The following NPAS3 variants were observed in gnomAD, a reference collection of about 807,000 sequenced individuals.
The protein encoded by NPAS3 is neuronal PAS domain protein 3, also known as neuronal PAS domain-containing protein 3.
NPAS3 carries 14 observed loss-of-function variants against 73.1 expected under a neutral mutation model. The observed-to-expected ratio is 0.19, with a 90% CI of 0.13 to 0.30. NPAS3 has a LOEUF of 0.30. Among genes scored for constraint, NPAS3 ranks in the 10% least tolerant of loss-of-function variants. The pLI is 1.00. For missense variants in NPAS3, 1,096 were observed against 1,250.0 expected, an observed-to-expected ratio of 0.88 and a Z score of 1.86; for synonymous variants, 620 against 541.5, an observed-to-expected ratio of 1.14 and a Z score of -2.01.
At chr14:33,717,400 A>G (rs1367820404) in intron 6 of NPAS3, among the ~76,000 whole-genome samples, 1 of 152,076 alleles carries the variant, frequency 6.6e-6, no homozygotes, top group East Asian at 1.9e-4. Flanking sequence ...TTCTCCCTGA[A>G]ATCCTAACTG....
chr14:33,067,256 AG>A (rs2041313206), intron 2 of NPAS3, among the ~76,000 whole-genome samples: 1 of 152,204 alleles, frequency 6.6e-6, no homozygotes, highest in Non-Finnish European at 1.5e-5. Flanking sequence ...CTGCAAAAGA[AG>A]AAGACCCTAA....
chr14:33,379,688 A>G (rs1284437306), intron 4 of NPAS3, among the ~76,000 whole-genome samples: 2 of 152,142 alleles, frequency 1.3e-5, no homozygotes, highest in Non-Finnish European at 2.9e-5. Flanking sequence ...TTGAGGAAAG[A>G]TTGTGAATGG....
intron 5 of NPAS3, among the ~76,000 whole-genome samples, chr14:33,573,454 A>G (rs1393748448): frequency 1.3e-5 from 2 of 152,228 alleles, no homozygotes; most frequent in African/African-American, 4.8e-5. Flanking sequence ...GAGATCCACT[A>G]CAAATCATGA....
chr14:33,383,740 A>G (rs1362613747), intron 4 of NPAS3, among the ~76,000 whole-genome samples: 2 of 152,232 alleles, frequency 1.3e-5, no homozygotes, highest in Admixed American at 1.3e-4. Flanking sequence ...ACAAAAGAAT[A>G]GAGATTTTCC....
At chr14:33,612,068 G>C (rs1458807847) in intron 5 of NPAS3, among the ~76,000 whole-genome samples, 1 of 152,172 alleles carries the variant, frequency 6.6e-6, no homozygotes, top group Non-Finnish European at 1.5e-5. Context: ...CAGGTGACAG[G>C]TGGGGCCTTG....
intron 6 of NPAS3, among the ~76,000 whole-genome samples, chr14:33,712,618 T>C (rs1316888529): frequency 6.6e-6 from 1 of 152,310 alleles, no homozygotes; most frequent in Non-Finnish European, 1.5e-5. Flanking sequence ...AACCTAGATG[T>C]CAAGACCCCA....
At chr14:33,215,576 C>T (rs950159320) in intron 3 of NPAS3, 150 bp downstream of exon 3, 7 of 896,522 alleles carry the variant, frequency 7.8e-6, no homozygotes, top group African/African-American at 3.3e-5. Context: ...ATGAGAAAGA[C>T]ACCATGTGAA....
At chr14:33,099,234 A>C (rs2042512947) in intron 2 of NPAS3, among the ~76,000 whole-genome samples, 1 of 152,216 alleles carries the variant, frequency 6.6e-6, no homozygotes, top group Non-Finnish European at 1.5e-5. Flanking sequence ...GCCAGTATAA[A>C]GATTATAATC....
chr14:33,093,327 C>T (rs1313135987), intron 2 of NPAS3, among the ~76,000 whole-genome samples: 2 of 152,180 alleles, frequency 1.3e-5, no homozygotes, highest in Admixed American at 1.3e-4. Context: ...ACAGTCACTT[C>T]TCAAAAGAAG....
At chr14:33,654,987 G>A (rs2140246694) in intron 5 of NPAS3, among the ~76,000 whole-genome samples, 1 of 152,302 alleles carries the variant, frequency 6.6e-6, no homozygotes, top group East Asian at 1.9e-4. Flanking sequence ...CACTGCTATA[G>A]GTGATTTACA....
chr14:33,563,455 T>G (rs1037172718), intron 5 of NPAS3, among the ~76,000 whole-genome samples: 1 of 151,102 alleles, frequency 6.6e-6, no homozygotes, highest in African/African-American at 2.4e-5. Flanking sequence ...TGGGAATGAG[T>G]GAATGATGAT....
chr14:33,654,499 G>C (rs1452533063), intron 5 of NPAS3, among the ~76,000 whole-genome samples: 1 of 152,146 alleles, frequency 6.6e-6, no homozygotes, highest in Non-Finnish European at 1.5e-5. Context: ...GTGAAAAAAA[G>C]TGACGATTAG....
At chr14:33,003,562 T>C (rs1595199353) in intron 1 of NPAS3, among the ~76,000 whole-genome samples, 1 of 152,322 alleles carries the variant, frequency 6.6e-6, no homozygotes, top group East Asian at 1.9e-4. Flanking sequence ...CTGGTAGGTG[T>C]CTAAATGAAG....
chr14:32,940,401 C>T (rs1195935865), intron 1 of NPAS3, among the ~76,000 whole-genome samples: 3 of 152,224 alleles, frequency 2.0e-5, no homozygotes, highest in African/African-American at 4.8e-5. Flanking sequence ...CTGCTGTCCA[C>T]CCAGCCTACT....
At chr14:33,648,467 T>A (rs1008970493) in intron 5 of NPAS3, among the ~76,000 whole-genome samples, 1 of 152,228 alleles carries the variant, frequency 6.6e-6, no homozygotes, top group African/African-American at 2.4e-5. Context: ...TTGTTTAACA[T>A]TAAACTCCTA....
At chr14:33,616,947 T>C (rs1264393131) in intron 5 of NPAS3, among the ~76,000 whole-genome samples, 2 of 152,206 alleles carry the variant, frequency 1.3e-5, no homozygotes, top group African/African-American at 4.8e-5. Context: ...TGATGAATTT[T>C]TCTCCCAACA....
intron 4 of NPAS3, among the ~76,000 whole-genome samples, chr14:33,388,735 CT>C (rs144993393): frequency 0.015 from 2,306 of 152,206 alleles, 66 homozygotes; most frequent in African/African-American, 0.053. Context: ...AGCTAAGGAA[CT>C]TATTCAAATT....
At chr14:33,750,751 A>C (rs1179594332) in intron 7 of NPAS3, among the ~76,000 whole-genome samples, 1 of 152,214 alleles carries the variant, frequency 6.6e-6, no homozygotes, top group Admixed American at 6.5e-5. Context: ...GGGAAGACAA[A>C]GATGGATAAA....
intron 1 of NPAS3, among the ~76,000 whole-genome samples, chr14:32,957,904 T>C (rs2036746321): frequency 6.6e-6 from 1 of 152,168 alleles, no homozygotes; most frequent in Admixed American, 6.5e-5. Context: ...ATTTTTAGGA[T>C]GGGACATTTT....
Sources: allele counts gnomAD v4.1 joint callset (sites outside exome capture counted in the v4.1 genomes callset), GRCh38; gene constraint gnomAD v4.1.1; transcripts MANE v1.5; gene names NCBI Gene and HGNC (gene_info 2026-07-23, HGNC 2026-07-21).